ILDR1: variants seen among roughly 807,000 people sequenced by gnomAD.
ILDR1 encodes immunoglobulin like domain containing receptor 1.
ILDR1 carries 56 observed loss-of-function variants against 62.4 expected under a neutral mutation model. That is an observed-to-expected ratio of 0.90 (90% CI 0.72 to 1.12). ILDR1 has a LOEUF of 1.12. ILDR1 is among the 50% of genes most tolerant of loss of function. The pLI, the probability that ILDR1 is intolerant of heterozygous loss-of-function variation, is 0.00. For missense variants in ILDR1, 736 were observed against 710.6 expected, an observed-to-expected ratio of 1.04 and a Z score of -0.41; for synonymous variants, 284 against 277.8, an observed-to-expected ratio of 1.02 and a Z score of -0.22.
At chr3:122,018,988 T>G (rs1398322155) in intron 1 of ILDR1, among the ~76,000 whole-genome samples, 2 of 152,236 alleles carry the variant, frequency 1.3e-5, no homozygotes, top group Non-Finnish European at 2.9e-5. Flanking sequence ...GTCGGTTGTC[T>G]GATTTCCCAA....
the ILDR1 span, among the ~76,000 whole-genome samples, chr3:122,061,182 TAAA>T: frequency 6.6e-6 from 1 of 152,180 alleles, no homozygotes; most frequent in African/African-American, 2.4e-5. Flanking sequence ...TGGATAAACC[TAAA>T]ATACTCAACT....
chr3:122,012,463 T>G (rs2071718448), intron 1 of ILDR1, among the ~76,000 whole-genome samples: 1 of 152,198 alleles, frequency 6.6e-6, no homozygotes, highest in African/African-American at 2.4e-5. Flanking sequence ...TCAGATTCTG[T>G]CTCCAATCCC....
At chr3:122,009,826 A>C (rs893991479) in intron 1 of ILDR1, among the ~76,000 whole-genome samples, 5 of 152,204 alleles carry the variant, frequency 3.3e-5, no homozygotes, top group African/African-American at 1.2e-4. Context: ...CTGTCCCCTT[A>C]AACTTCTGAT....
chr3:122,038,354 T>C, the ILDR1 span, among the ~76,000 whole-genome samples: 5 of 152,204 alleles, frequency 3.3e-5, no homozygotes, highest in Non-Finnish European at 7.3e-5. Context: ...AGAAACACTC[T>C]GGCAAATAGC....
the ILDR1 span, among the ~76,000 whole-genome samples, chr3:122,058,182 C>G: frequency 2.0e-5 from 3 of 152,166 alleles, no homozygotes; most frequent in African/African-American, 7.2e-5. Context: ...CAAGATTATA[C>G]AACCACTTAA....
the ILDR1 span, among the ~76,000 whole-genome samples, chr3:122,053,926 G>A: frequency 2.0e-5 from 3 of 152,048 alleles, no homozygotes; most frequent in African/African-American, 7.2e-5. Flanking sequence ...TCTTATTTCT[G>A]ATGTGTTATG....
intron 2 of ILDR1, 115 bp downstream of exon 2, chr3:122,006,876 G>T (rs1266904224): frequency 7.2e-6 from 8 of 1,118,048 alleles, no homozygotes; most frequent in Middle Eastern, 5.8e-4. Flanking sequence ...GGTGATCTTT[G>T]TGTCTTCTCC....
At chr3:122,050,595 C>T in the ILDR1 span, among the ~76,000 whole-genome samples, 1 of 142,570 alleles carries the variant, frequency 7.0e-6, no homozygotes, top group African/African-American at 2.6e-5. Context: ...TAATAATGTA[C>T]AGCCATTAAT....
chr3:122,039,511 T>A, the ILDR1 span, among the ~76,000 whole-genome samples: 1 of 152,074 alleles, frequency 6.6e-6, no homozygotes, highest in African/African-American at 2.4e-5. Context: ...GAAAGAAAAC[T>A]GTTGACCCCA....
the ILDR1 span, among the ~76,000 whole-genome samples, chr3:122,028,609 C>G: frequency 1.0e-3 from 157 of 152,276 alleles, 4 homozygotes; most frequent in South Asian, 0.028. Flanking sequence ...GAAGACAACC[C>G]TCTGCTAAGG....
At chr3:122,007,374 G>A (rs1164673538) in intron 1 of ILDR1, 1 of 979,520 alleles carries the variant, frequency 1.0e-6, no homozygotes, top group East Asian at 2.7e-5. Context: ...TAGGAAGAAA[G>A]GAGTGAGGAA....
chr3:122,007,226 T>C, intron 1 of ILDR1, 65 bp from the exon 2 acceptor site: 2 of 1,610,404 alleles, frequency 1.2e-6, no homozygotes, highest in South Asian at 1.1e-5. Flanking sequence ...AGAAAAACAA[T>C]GCAAATGGGC....
upstream of ILDR1, among the ~76,000 whole-genome samples, chr3:122,024,123 G>A (rs898844333): frequency 1.1e-4 from 16 of 151,812 alleles, no homozygotes; most frequent in Admixed American, 9.8e-4. Flanking sequence ...TCCCCGGAAT[G>A]TTAATACACA....
intron 3 of ILDR1, among the ~76,000 whole-genome samples, chr3:122,002,533 G>T (rs964465618): frequency 2.0e-5 from 3 of 152,166 alleles, no homozygotes; most frequent in Admixed American, 2.0e-4. Flanking sequence ...CTCAAGAAGA[G>T]TTTCAGTTCT....
chr3:122,047,324 C>T, the ILDR1 span, among the ~76,000 whole-genome samples: 2 of 152,236 alleles, frequency 1.3e-5, no homozygotes, highest in Admixed American at 6.5e-5. Flanking sequence ...CTCTTCAAAG[C>T]TGTCAGAGAG....
the ILDR1 span, among the ~76,000 whole-genome samples, chr3:122,058,586 A>C: frequency 6.6e-6 from 1 of 152,000 alleles, no homozygotes; most frequent in Non-Finnish European, 1.5e-5. Context: ...TGCATGGGGG[A>C]ATTTTAAGTA....
chr3:122,046,057 C>T, the ILDR1 span, among the ~76,000 whole-genome samples: 2 of 148,160 alleles, frequency 1.3e-5, no homozygotes, highest in Middle Eastern at 3.3e-3. Context: ...CGGCTGGTAC[C>T]GGTTGTTCCT....
intron 1 of ILDR1, among the ~76,000 whole-genome samples, chr3:122,013,013 A>G (rs2071726473): frequency 6.6e-6 from 1 of 152,190 alleles, no homozygotes; most frequent in Non-Finnish European, 1.5e-5. Context: ...TGGGAAGGAG[A>G]GAAGGGGAAG....
At chr3:122,037,433 T>C in the ILDR1 span, among the ~76,000 whole-genome samples, 6 of 152,320 alleles carry the variant, frequency 3.9e-5, no homozygotes, top group East Asian at 1.2e-3. Context: ...GGAGATTATT[T>C]TGGAGCTTTA....
Sources: gnomAD v4.1 joint callset for allele counts (sites outside exome capture counted in the v4.1 genomes callset) on GRCh38, gnomAD v4.1.1 for gene constraint, MANE v1.5 for transcripts, NCBI Gene and HGNC (gene_info 2026-07-23, HGNC 2026-07-21) for gene names.